Variants in PRIM2 observed in about 807,000 individuals in gnomAD.
The protein encoded by PRIM2 is DNA primase large subunit.
A neutral mutation model predicts 67.3 loss-of-function variants in PRIM2; 39 were observed. The ratio of observed to expected loss-of-function variants is 0.58; its 90% CI spans 0.45 to 0.76. The LOEUF (loss-of-function observed/expected upper bound fraction) is 0.76, where lower values mean the gene tolerates loss of function less well. Among genes scored for constraint, PRIM2 ranks in the 30% least tolerant of loss-of-function variants. The pLI is 0.00. For missense variants in PRIM2, 398 were observed against 598.7 expected, an observed-to-expected ratio of 0.66 and a Z score of 3.50; for synonymous variants, 143 against 198.7, an observed-to-expected ratio of 0.72 and a Z score of 2.36.
chr6:57,247,530 T>G, the PRIM2 span, among the ~76,000 whole-genome samples: 1 of 152,186 alleles, frequency 6.6e-6, no homozygotes, highest in Non-Finnish European at 1.5e-5. Context: ...GAGCACTAGG[T>G]AAATGTCAAA....
intron 7 of PRIM2, among the ~76,000 whole-genome samples, chr6:57,487,329 A>C (rs1773777745): frequency 6.6e-6 from 1 of 152,172 alleles, no homozygotes; most frequent in Non-Finnish European, 1.5e-5. Context: ...TCCCAGGTTC[A>C]AGCTATTCTC....
At chr6:57,261,340 G>A in the PRIM2 span, among the ~76,000 whole-genome samples, 1 of 152,124 alleles carries the variant, frequency 6.6e-6, no homozygotes, top group African/African-American at 2.4e-5. Context: ...GCAAGAGCTG[G>A]GTCCATAGAA....
the PRIM2 span, among the ~76,000 whole-genome samples, chr6:57,223,352 GC>G: frequency 6.6e-6 from 1 of 152,118 alleles, no homozygotes; most frequent in South Asian, 2.1e-4. Context: ...TGGAAGAGGG[GC>G]TTCCTTCTAG....
chr6:57,308,236 C>T, the PRIM2 span, among the ~76,000 whole-genome samples: 1 of 152,002 alleles, frequency 6.6e-6, no homozygotes, highest in African/African-American at 2.4e-5. Context: ...GATCCTCCCA[C>T]CTCAGCCCCC....
At chr6:57,634,434 A>G (rs1168502773) in intron 13 of PRIM2, among the ~76,000 whole-genome samples, 1 of 152,196 alleles carries the variant, frequency 6.6e-6, no homozygotes, top group East Asian at 1.9e-4. Context: ...ACAAAATCTC[A>G]TTAGTTTTAT....
At chr6:57,525,552 C>T (rs1423126889) in intron 8 of PRIM2, among the ~76,000 whole-genome samples, 10 of 152,170 alleles carry the variant, frequency 6.6e-5, no homozygotes, top group South Asian at 4.1e-4. Flanking sequence ...TCACCCCTTC[C>T]GCCCATGGCT....
chr6:57,337,059 C>T (rs1382491651), intron 5 of PRIM2, among the ~76,000 whole-genome samples: 2 of 152,110 alleles, frequency 1.3e-5, no homozygotes, highest in African/African-American at 4.8e-5. Context: ...GGGTTGCAAT[C>T]CTAGTCTCTG....
At chr6:57,291,897 A>T in the PRIM2 span, among the ~76,000 whole-genome samples, 6 of 152,352 alleles carry the variant, frequency 3.9e-5, no homozygotes, top group Admixed American at 3.9e-4. Flanking sequence ...ATCATACTGA[A>T]TAGGCAAAAA....
chr6:57,469,278 A>G (rs2127400944), intron 7 of PRIM2, among the ~76,000 whole-genome samples: 1 of 152,362 alleles, frequency 6.6e-6, no homozygotes, highest in East Asian at 1.9e-4. Flanking sequence ...CAGTCTGTGA[A>G]AGCAGATACT....
At chr6:57,279,476 A>T in the PRIM2 span, among the ~76,000 whole-genome samples, 1 of 152,090 alleles carries the variant, frequency 6.6e-6, no homozygotes. Context: ...TGTCCCTGGG[A>T]GAATTTCCAG....
rs1458352701 is a variant in PRIM2 at position 57,645,329 on chromosome 6, A to T, written c.1300-599A>T. Among the ~76,000 whole-genome samples, 13 of 45,318 alleles carry T rather than the reference A, an allele frequency of 2.9e-4. No homozygotes were observed. In the East Asian group the frequency reaches 5.1e-3, roughly 18 times the overall value. The allele number at this position is 45,318 out of a possible 152,430, so 29.7% of individuals were successfully genotyped here. ...CTAACATACAATGTCATTCACACACACACACACACACACACACACACACAC... is the reference window on the plus strand; with the variant it reads ...CTAACATACAATGTCATTCACACACTCACACACACACACACACACACACAC... On this transcript the variant is annotated intron_variant, in intron 13 of 13. Coordinates refer to ENST00000615550, the MANE Select transcript of PRIM2 (RefSeq NM_000947.5).
At chr6:57,498,187 A>T (rs1554346538) in intron 7 of PRIM2, among the ~76,000 whole-genome samples, 396 of 152,072 alleles carry the variant, frequency 2.6e-3, no homozygotes, top group African/African-American at 8.0e-3. Context: ...TTTGATTTTT[A>T]AAAAAAATTT....
At chr6:57,222,337 G>GCGGACCCGCGGCC in the PRIM2 span, 2 of 152,228 alleles carry the variant, frequency 1.3e-5, no homozygotes, top group Non-Finnish European at 2.9e-5. Flanking sequence ...CATGCTCTGT[G>GCGGACCCGCGGCC]CGGACCCGCG....
chr6:57,290,475 G>C, the PRIM2 span, among the ~76,000 whole-genome samples: 4 of 152,146 alleles, frequency 2.6e-5, no homozygotes, highest in Admixed American at 6.5e-5. Flanking sequence ...GGATATCCAG[G>C]ACTTGAACTC....
intron 6 of PRIM2, among the ~76,000 whole-genome samples, chr6:57,381,224 T>A (rs1247681977): frequency 1.3e-5 from 2 of 152,240 alleles, no homozygotes; most frequent in Non-Finnish European, 2.9e-5. Flanking sequence ...GCACATGATC[T>A]GTTTATAGTG....
intron 7 of PRIM2, among the ~76,000 whole-genome samples, chr6:57,487,591 T>C (rs1773784751): frequency 6.6e-6 from 1 of 152,192 alleles, no homozygotes; most frequent in Admixed American, 6.5e-5. Context: ...CATTTAGAAA[T>C]AATTAGAAGC....
chr6:57,335,535 C>T (rs1256952829), intron 5 of PRIM2, among the ~76,000 whole-genome samples: 2 of 152,216 alleles, frequency 1.3e-5, no homozygotes, highest in Admixed American at 1.3e-4. Context: ...AGACTGCCTC[C>T]TCAAGTGGGT....
chr6:57,389,594 G>A (rs952681887), intron 7 of PRIM2, among the ~76,000 whole-genome samples: 1 of 152,186 alleles, frequency 6.6e-6, no homozygotes, highest in African/African-American at 2.4e-5. Context: ...GAGTCACAGA[G>A]AAAAGCAAGG....
chr6:57,486,899 C>T (rs1306958044), intron 7 of PRIM2, among the ~76,000 whole-genome samples: 4 of 152,178 alleles, frequency 2.6e-5, no homozygotes, highest in African/African-American at 9.6e-5. Context: ...TTTCCCCTTA[C>T]ATAGAGTGTA....
Sources: allele counts gnomAD v4.1 joint callset (sites outside exome capture counted in the v4.1 genomes callset), GRCh38; gene constraint gnomAD v4.1.1; transcripts MANE v1.5; gene names NCBI Gene and HGNC (gene_info 2026-07-23, HGNC 2026-07-21).